NEDD4L: variants seen among roughly 807,000 people sequenced by gnomAD.
The protein encoded by NEDD4L is E3 ubiquitin-protein ligase NEDD4-like.
NEDD4L carries 54 observed loss-of-function variants against 148.9 expected under a neutral mutation model. That is an observed-to-expected ratio of 0.36 (90% CI 0.29 to 0.45). NEDD4L has a LOEUF of 0.45. NEDD4L is among the 20% of genes least tolerant of loss of function. The pLI is 1.00. For synonymous variants in NEDD4L, 433 were observed against 440.7 expected, an observed-to-expected ratio of 0.98 and a Z score of 0.22; for missense variants, 856 against 1,233.8, an observed-to-expected ratio of 0.69 and a Z score of 4.59.
At chr18:58,156,082 G>A (rs2035457268) in intron 1 of NEDD4L, among the ~76,000 whole-genome samples, 1 of 152,182 alleles carries the variant, frequency 6.6e-6, no homozygotes, top group Admixed American at 6.5e-5. Flanking sequence ...GAGGATTCAA[G>A]CTGGTCCTTA....
Position 58,335,537 on chromosome 18 carries a change from G to A in NEDD4L, c.1125G>A (p.Thr375=), listed in dbSNP as rs140726478. 5.2e-5 allele frequency: 84 copies of A among 1,611,644 alleles called. No homozygotes were observed. In the East Asian group the frequency reaches 1.1e-3, roughly 21 times the overall value. The change falls in exon 13 of 31, where the codon ACG becomes ACA. Residue 375 remains threonine, a splice_region_variant and synonymous_variant. Coordinates refer to ENST00000400345, the MANE Select transcript of NEDD4L (RefSeq NM_001144967.3). ...CTGTCACGGGTGGTGAGGAACCAAC[G>A]GTAATGATCCACTTTATCAGACATC... is the stretch of plus-strand genomic sequence containing the variant. ...SSTVTGGEEP[T]PSVAYVHTTP...
At chr18:58,105,518 T>C (rs756236592) in intron 1 of NEDD4L, among the ~76,000 whole-genome samples, 1 of 152,236 alleles carries the variant, frequency 6.6e-6, no homozygotes, top group Non-Finnish European at 1.5e-5. Context: ...GATTTTAATC[T>C]AAATCTTCTA....
chr18:58,063,047 T>G (rs1315153082), intron 1 of NEDD4L, among the ~76,000 whole-genome samples: 17 of 43,910 alleles, frequency 3.9e-4, no homozygotes, highest in South Asian at 1.4e-3. Context: ...TTCTTTTTTT[T>G]TTTTTTTTTT....
At chr18:58,138,755 G>C (rs1426475793) in intron 1 of NEDD4L, among the ~76,000 whole-genome samples, 1 of 152,126 alleles carries the variant, frequency 6.6e-6, no homozygotes, top group Non-Finnish European at 1.5e-5. Flanking sequence ...GAGAGAGAAA[G>C]CAAGCTCTGT....
intron 16 of NEDD4L, among the ~76,000 whole-genome samples, chr18:58,343,434 C>G (rs532485): frequency 6.6e-6 from 1 of 152,350 alleles, no homozygotes; most frequent in Middle Eastern, 3.4e-3. Flanking sequence ...AGTAATCTCA[C>G]TAGGAGTTAT....
At chr18:58,206,078 C>G (rs1037936997) in intron 2 of NEDD4L, among the ~76,000 whole-genome samples, 1 of 152,160 alleles carries the variant, frequency 6.6e-6, no homozygotes, top group Non-Finnish European at 1.5e-5. Flanking sequence ...CCCCTTTGCG[C>G]TGGGTACAGG....
chr18:58,290,174 A>G (rs752285248), intron 5 of NEDD4L, among the ~76,000 whole-genome samples: 13 of 152,168 alleles, frequency 8.5e-5, no homozygotes, highest in Non-Finnish European at 1.8e-4. Flanking sequence ...CACCAAATAC[A>G]TATTTATAGA....
At chr18:58,385,444 A>G in intron 25 of NEDD4L, 82 bp from the exon 26 acceptor site, 1 of 1,108,892 alleles carries the variant, frequency 9.0e-7, no homozygotes, top group African/African-American at 1.5e-5. Flanking sequence ...TGGATGGAGG[A>G]GAAGCACTCC....
intron 2 of NEDD4L, chr18:58,195,480 G>T: frequency 2.2e-6 from 3 of 1,343,110 alleles, no homozygotes; most frequent in South Asian, 1.2e-5. Flanking sequence ...GGCTTAAGCC[G>T]CGCGAGGGTG....
intron 1 of NEDD4L, among the ~76,000 whole-genome samples, chr18:58,120,612 T>C (rs2086176716): frequency 1.3e-5 from 2 of 152,126 alleles, no homozygotes; most frequent in African/African-American, 2.4e-5. Flanking sequence ...ACCCCGTCTC[T>C]ACTAAAAATA....
Position 58,324,910 on chromosome 18 carries a change from AAGGGCATGC to A in NEDD4L, c.514-76_514-68del, listed in dbSNP as rs1289841636. 3.2e-6 allele frequency: 4 copies of A among 1,242,112 alleles called. No homozygotes were observed. The African/African-American group carries it at 4.5e-5, about 14-fold the overall frequency. The allele number at this position is 1,242,112 out of a possible 1,614,324, so 76.9% of individuals were successfully genotyped here. On this transcript the variant is annotated intron_variant, in intron 8 of 30. Transcript: ENST00000400345. ...AGCCAGAGAGCCCCAGAGCAAGGAG[AAGGGCATGC>A]AGGGCATGCTGTGATGACCTCTTAC... is the stretch of plus-strand genomic sequence containing the variant.
intron 29 of NEDD4L, 123 bp from the exon 30 acceptor site, chr18:58,391,355 CAGAAGAGAG>C: frequency 2.8e-6 from 2 of 708,650 alleles, no homozygotes; most frequent in African/African-American, 3.5e-5. Context: ...AATGTTGCAG[CAGAAGAGAG>C]TGTCTTGGGC....
chr18:58,185,063 C>A (rs111343215), intron 2 of NEDD4L, among the ~76,000 whole-genome samples: 10,047 of 152,252 alleles, frequency 0.066, 1,048 homozygotes, highest in African/African-American at 0.23. Context: ...GCGTGCACGG[C>A]GTTAGTCATG....
At chr18:58,051,574 A>G (rs182367670) in intron 1 of NEDD4L, among the ~76,000 whole-genome samples, 1 of 152,334 alleles carries the variant, frequency 6.6e-6, no homozygotes, top group East Asian at 1.9e-4. Context: ...TTAAGAGCCA[A>G]TTAAATTTTT....
At chr18:58,246,305 A>G (rs2047259507) in intron 3 of NEDD4L, among the ~76,000 whole-genome samples, 1 of 152,196 alleles carries the variant, frequency 6.6e-6, no homozygotes, top group Non-Finnish European at 1.5e-5. Context: ...TTAACTTGAA[A>G]CAACTATTTC....
chr18:58,078,743 G>A (rs1008639100), intron 1 of NEDD4L, among the ~76,000 whole-genome samples: 15 of 152,194 alleles, frequency 9.9e-5, no homozygotes, highest in African/African-American at 3.6e-4. Context: ...GGAGCCAGTA[G>A]GTGACAGGAT....
At chr18:58,094,407 G>A (rs1294108264) in intron 1 of NEDD4L, among the ~76,000 whole-genome samples, 2 of 151,826 alleles carry the variant, frequency 1.3e-5, no homozygotes, top group Admixed American at 1.3e-4. Flanking sequence ...GGCTGGTCTC[G>A]AGCTCCCGGG....
intron 1 of NEDD4L, among the ~76,000 whole-genome samples, chr18:58,128,029 T>G (rs2031447510): frequency 6.6e-6 from 1 of 151,882 alleles, no homozygotes; most frequent in South Asian, 2.1e-4. Flanking sequence ...TTGTTTTGTT[T>G]TGTTTTGCTT....
chr18:58,071,371 TA>T (rs997806681), intron 1 of NEDD4L, among the ~76,000 whole-genome samples: 12 of 151,418 alleles, frequency 7.9e-5, no homozygotes, highest in Non-Finnish European at 1.8e-4. Flanking sequence ...GTAGAGATTA[TA>T]AAAAAAAGAA....
Sources: allele counts gnomAD v4.1 joint callset (sites outside exome capture counted in the v4.1 genomes callset), GRCh38; gene constraint gnomAD v4.1.1; transcripts MANE v1.5; gene names NCBI Gene and HGNC (gene_info 2026-07-23, HGNC 2026-07-21).